Variants in CAMTA1 observed in about 807,000 individuals in gnomAD.
The protein encoded by CAMTA1 is calmodulin binding transcription activator 1, also known as calmodulin-binding transcription activator 1.
CAMTA1 carries 27 observed loss-of-function variants against 170.9 expected under a neutral mutation model. The ratio of observed to expected loss-of-function variants is 0.16; its 90% CI spans 0.12 to 0.22. The LOEUF is 0.22. Among genes scored for constraint, CAMTA1 ranks in the 10% least tolerant of loss-of-function variants. The probability of loss-of-function intolerance (pLI) is 1.00; values close to 1 mark genes in which losing one functional copy is unlikely to be tolerated. For missense variants in CAMTA1, 1,619 were observed against 2,217.2 expected (o/e 0.73, Z 5.42); for synonymous variants, 833 against 891.5 (o/e 0.93, Z 1.17).
chr1:6,902,098 C>T (rs191713651), intron 3 of CAMTA1, among the ~76,000 whole-genome samples: 44 of 128,996 alleles, frequency 3.4e-4, no homozygotes, highest in African/African-American at 1.1e-3. Flanking sequence ...AATAAAAACT[C>T]GTACTGGCTT....
intron 4 of CAMTA1, 119 bp downstream of exon 4, chr1:7,091,490 G>C: frequency 1.3e-6 from 1 of 771,118 alleles, no homozygotes; most frequent in Non-Finnish European, 2.3e-6. Context: ...ATGTTGTGCT[G>C]GATGGCTTTC....
intron 3 of CAMTA1, among the ~76,000 whole-genome samples, chr1:6,951,439 GTC>G (rs947617445): frequency 2.2e-4 from 34 of 152,200 alleles, no homozygotes; most frequent in African/African-American, 8.2e-4. Flanking sequence ...TGGATGGAAA[GTC>G]TCTGGGAGAA....
At chr1:6,915,505 GA>G (rs1195610099) in intron 3 of CAMTA1, among the ~76,000 whole-genome samples, 1 of 152,212 alleles carries the variant, frequency 6.6e-6, no homozygotes, top group Non-Finnish European at 1.5e-5. Context: ...AGGAAGAGAA[GA>G]AGCCAGGCCG....
At chr1:7,577,609 C>T (rs951876662) in intron 6 of CAMTA1, among the ~76,000 whole-genome samples, 15 of 152,100 alleles carry the variant, frequency 9.9e-5, no homozygotes, top group African/African-American at 2.2e-4. Context: ...CAAACGCTCC[C>T]GGTGGTGTAA....
chr1:7,381,424 A>C (rs1273035812), intron 5 of CAMTA1, among the ~76,000 whole-genome samples: 2 of 150,514 alleles, frequency 1.3e-5, no homozygotes, highest in Non-Finnish European at 2.9e-5. Flanking sequence ...TTGTTCTTGC[A>C]ATAGTTTACT....
chr1:7,576,298 C>A (rs1576177220), intron 6 of CAMTA1, among the ~76,000 whole-genome samples: 1 of 152,206 alleles, frequency 6.6e-6, no homozygotes, highest in African/African-American at 2.4e-5. Flanking sequence ...GCGTGAACCA[C>A]CGTGCCAGGC....
chr1:7,209,900 A>G (rs1485175818), intron 4 of CAMTA1, among the ~76,000 whole-genome samples: 2 of 152,258 alleles, frequency 1.3e-5, no homozygotes, highest in Non-Finnish European at 2.9e-5. Context: ...CCCTTCACGC[A>G]GATTCCCGAT....
Position 7,485,152 on chromosome 1 carries a change from C to T in CAMTA1, c.510+17251C>T, listed in dbSNP as rs59548720. Among the ~76,000 whole-genome samples the T allele has an allele frequency of 1.4e-3, 213 of 152,334 alleles. 1 individual carries two copies. The highest frequency in any genetic ancestry group is 4.5e-3 in the African/African-American group (189 of 41,570). Reference sequence around the variant, plus strand: ...TTCTCTGGCTGCCCATCCCCAGTCCCCCACCCTTTCCTGGCCAATGGCCTC... The same window carrying T: ...TTCTCTGGCTGCCCATCCCCAGTCCTCCACCCTTTCCTGGCCAATGGCCTC... On this transcript the variant is annotated intron_variant, in intron 6 of 22. Coordinates refer to ENST00000303635, the MANE Select transcript of CAMTA1 (RefSeq NM_015215.4).
chr1:6,815,210 CT>C lies in CAMTA1; in HGVS notation c.46-4959del, dbSNP rs942240343. On this transcript the variant is annotated intron_variant, in intron 1 of 22. Transcript: ENST00000303635. Reference sequence around the variant, plus strand: ...TCTGCATCTCTCCTCTTGGGTATTTCTTTTTTTTTTTTGAGACGGGGTCTCA... The same window carrying C: ...TCTGCATCTCTCCTCTTGGGTATTTCTTTTTTTTTTTGAGACGGGGTCTCA... Among the ~76,000 whole-genome samples, 161 of 144,524 alleles carry C rather than the reference CT, an allele frequency of 1.1e-3. 2 individuals are homozygous for C. Among genetic ancestry groups the C allele is most frequent in the South Asian group, 4.4e-3 (20 of 4,554 alleles). 94.8% of individuals were successfully genotyped at this position (144,524 alleles called of 152,430 possible).
chr1:7,080,358 A>T (rs1572896744), intron 3 of CAMTA1, among the ~76,000 whole-genome samples: 1 of 152,206 alleles, frequency 6.6e-6, no homozygotes, highest in Non-Finnish European at 1.5e-5. Context: ...TCAAACTATG[A>T]TCTGGCTGGC....
At chr1:7,552,721 G>A (rs979310790) in intron 6 of CAMTA1, among the ~76,000 whole-genome samples, 3 of 152,206 alleles carry the variant, frequency 2.0e-5, no homozygotes, top group East Asian at 1.9e-4. Context: ...GGAGCAGCCC[G>A]CCCAGTTCCG....
intron 4 of CAMTA1, among the ~76,000 whole-genome samples, chr1:7,242,924 T>C (rs1377722872): frequency 6.6e-6 from 1 of 151,906 alleles, no homozygotes; most frequent in East Asian, 1.9e-4. Context: ...ATCGCACCAT[T>C]GCACTCCAGC....
intron 3 of CAMTA1, among the ~76,000 whole-genome samples, chr1:6,912,356 A>C (rs1308129774): frequency 1.3e-5 from 2 of 152,218 alleles, no homozygotes; most frequent in African/African-American, 4.8e-5. Context: ...TGAATGAGAA[A>C]TTATTCCCAA....
At chr1:7,020,191 A>T (rs1701143568) in intron 3 of CAMTA1, among the ~76,000 whole-genome samples, 1 of 152,266 alleles carries the variant, frequency 6.6e-6, no homozygotes, top group Non-Finnish European at 1.5e-5. Context: ...TCCAAAATAT[A>T]TACAGTTATA....
intron 6 of CAMTA1, among the ~76,000 whole-genome samples, chr1:7,559,574 C>A (rs1179094343): frequency 6.6e-6 from 1 of 152,244 alleles, no homozygotes; most frequent in African/African-American, 2.4e-5. Flanking sequence ...CGGAGCCCTG[C>A]AGAAGGACCT....
rs774969472 is a variant in CAMTA1, at chr1:6,934,474, G to A, written c.234+109264G>A. Reference sequence around the variant, plus strand: ...CCTGGGAGGATGGGTAAGGGCAGGTGTGGGAGGAATTTCCTTTCCAGAACA... The same window carrying A: ...CCTGGGAGGATGGGTAAGGGCAGGTATGGGAGGAATTTCCTTTCCAGAACA... On this transcript the variant is annotated intron_variant, in intron 3 of 22. Coordinates refer to ENST00000303635, the MANE Select transcript of CAMTA1 (RefSeq NM_015215.4). The surrounding 1 kb of genome is among the most constrained non-coding windows in gnomAD (Gnocchi z 4.5). Among the ~76,000 whole-genome samples, 28 of 152,186 alleles carry A rather than the reference G, an allele frequency of 1.8e-4. No homozygotes were observed. Among genetic ancestry groups the A allele is most frequent in the Admixed American group, 6.5e-4 (10 of 15,284 alleles).
chr1:7,449,612 A>T (rs7540677), intron 5 of CAMTA1, among the ~76,000 whole-genome samples: 1 of 151,532 alleles, frequency 6.6e-6, no homozygotes, highest in African/African-American at 2.4e-5. Context: ...TCTACTGAAA[A>T]TACAAAAATT....
At chr1:7,759,084 G>A (rs927134821) in intron 22 of CAMTA1, among the ~76,000 whole-genome samples, 18 of 152,052 alleles carry the variant, frequency 1.2e-4, no homozygotes, top group Non-Finnish European at 5.9e-5. Flanking sequence ...AGAAGGTCGA[G>A]GCTACAGTGT....
chr1:7,046,404 C>A (rs59006052), intron 3 of CAMTA1, among the ~76,000 whole-genome samples: 1 of 152,162 alleles, frequency 6.6e-6, no homozygotes, highest in African/African-American at 2.4e-5. Context: ...TCCCAGCTGC[C>A]GGAGGCTTCC....
Sources: allele counts gnomAD v4.1 joint callset (sites outside exome capture counted in the v4.1 genomes callset), GRCh38; gene constraint gnomAD v4.1.1; non-coding constraint Gnocchi (gnomAD v3.1); transcripts MANE v1.5; gene names NCBI Gene and HGNC (gene_info 2026-07-23, HGNC 2026-07-21).